H1-0: variants seen among roughly 807,000 people sequenced by gnomAD.
The protein encoded by H1-0 is H1.0 linker histone, also known as histone H1.0.
Under a neutral mutation model 8.8 loss-of-function variants are expected in H1-0, and 5 were observed. The ratio of observed to expected loss-of-function variants is 0.57; its 90% confidence interval spans 0.30 to 1.19. The LOEUF is 1.19. Ranked by LOEUF, H1-0 falls within the 50% of genes most tolerant of loss-of-function variation. H1-0 has a pLI of 0.08. For synonymous variants in H1-0, 143 were observed against 101.4 expected (o/e 1.41, Z -2.46); for missense variants, 231 against 242.0 (o/e 0.95, Z 0.30).
Position 37,806,086 on chromosome 22 carries a change from CCAAAG to C in H1-0, c.548_552del (p.Ala183ValfsTer49). 6.2e-7 allele frequency: 1 copy of C among 1,613,880 alleles called. No homozygotes were observed. The highest frequency in any genetic ancestry group is 8.5e-7 in the Non-Finnish European group (1 of 1,179,938). On this transcript the variant is annotated frameshift_variant, in exon 1 of 1. Transcript: ENST00000340857. LOFTEE classifies it high-confidence loss of function. ...CCCAAAAAGGCCAAACCAGTGAAAC[CCAAAG>C]CAAAGTCCAGTGCCAAGAGGGCCGG...
rs1920988301 is a variant in H1-0 at position 37,806,060 on chromosome 22, G to A, written c.516G>A (p.Lys172=). The part of the protein sequence containing the change: ...TVKAKPVKAS[K]PKKAKPVKPK... ...AAGCCAAGCCGGTCAAGGCATCCAA[G>A]CCCAAAAAGGCCAAACCAGTGAAAC... is the stretch of plus-strand genomic sequence containing the variant. Residue 172 remains lysine (K), a synonymous_variant, in exon 1 of 1, where the codon AAG becomes AAA. Transcript: ENST00000340857. The A allele has an allele frequency of 6.2e-7, 1 of 1,614,130 alleles. No individual in the cohort carries two copies. The highest frequency in any genetic ancestry group is 8.5e-7 in the Non-Finnish European group (1 of 1,180,024).
chr22:37,806,099 C>T lies in H1-0; in HGVS notation c.555C>T (p.Ser185=), dbSNP rs1920989268. 1 of 1,612,938 alleles carries T rather than the reference C, an allele frequency of 6.2e-7. No homozygotes were observed. Among genetic ancestry groups the T allele is most frequent in the Non-Finnish European group, 8.5e-7 (1 of 1,179,450 alleles). ...AACCAGTGAAACCCAAAGCAAAGTC[C>T]AGTGCCAAGAGGGCCGGCAAGAAGA... The part of the protein sequence containing the change: ...KAKPVKPKAK[S]SAKRAGKKK The change falls in exon 1 of 1, where the codon TCC becomes TCT. Residue 185 remains serine, a synonymous_variant. Transcript: ENST00000340857.
Position 37,806,344 on chromosome 22 carries a change from A to T in H1-0, c.*215A>T. 1.7e-6 allele frequency: 1 copy of T among 572,674 alleles called. No homozygotes were observed. Among genetic ancestry groups the T allele is most frequent in the Non-Finnish European group, 3.1e-6 (1 of 317,582 alleles). 35.5% of individuals were successfully genotyped at this position (572,674 alleles called of 1,614,324 possible). A position where few individuals can be genotyped will look rare whatever the true frequency, so the allele number is the denominator to read the frequency against. On this transcript the variant is annotated 3_prime_UTR_variant, in exon 1 of 1. Coordinates refer to ENST00000340857, the MANE Select transcript of H1-0 (RefSeq NM_005318.4). ...AGCAACAACCAATCTAATGATGAGA[A>T]TGTACTTATATTTTGTTTTGCTATT...
rs374249786 is a variant in H1-0 at position 37,805,533 on chromosome 22, A to C, written c.-12A>C. On this transcript the variant is annotated 5_prime_UTR_variant, in exon 1 of 1. Transcript: ENST00000340857. ...GGAAGGCGCCTTCAACAGCCGGACC[A>C]GACAGGCCACCATGACCGAGAATTC... The C allele has an allele frequency of 1.2e-5, 20 of 1,603,800 alleles. No homozygotes were observed. The highest frequency in any genetic ancestry group is 1.6e-5 in the Non-Finnish European group (19 of 1,173,712).
At position 37,806,335 on chromosome 22, in the gene H1-0, A is replaced by C; in HGVS notation, c.*206A>C. 6 of 582,836 alleles carry C rather than the reference A, an allele frequency of 1.0e-5. No homozygotes were observed. The highest frequency in any genetic ancestry group is 2.9e-5 in the East Asian group (1 of 33,946). 36.1% of individuals were successfully genotyped at this position (582,836 alleles called of 1,614,324 possible). ...TGCAAGGACAGCAACAACCAATCTA[A>C]TGATGAGAATGTACTTATATTTTGT... On this transcript the variant is annotated 3_prime_UTR_variant, in exon 1 of 1. Transcript: ENST00000340857.
rs559705827 is a variant in H1-0 at position 37,807,200 on chromosome 22, ATGTG to A, written c.*1077_*1080del. 1.3e-3 allele frequency: 209 copies of A among 167,168 alleles called. No individual in the cohort carries two copies. Among genetic ancestry groups the A allele is most frequent in the Non-Finnish European group, 2.2e-3 (150 of 68,126 alleles). The allele number at this position is 167,168 out of a possible 1,614,324, so 10.4% of individuals were successfully genotyped here. A position where few individuals can be genotyped will look rare whatever the true frequency, so the allele number is the denominator to read the frequency against. On this transcript the variant is annotated 3_prime_UTR_variant, in exon 1 of 1. Coordinates refer to ENST00000340857, the MANE Select transcript of H1-0 (RefSeq NM_005318.4). ...GTTTTACAGAGCTAGATCTGTGTGC[ATGTG>A]TGTGTTTGTGTATATATACATATCT...
At position 37,806,381 on chromosome 22, in the gene H1-0, G is replaced by A. The variant is rs1645766426; in HGVS notation, c.*252G>A. The A allele has an allele frequency of 2.2e-6, 1 of 459,826 alleles. No individual in the cohort carries two copies. The highest frequency in any genetic ancestry group is 3.9e-6 in the Non-Finnish European group (1 of 258,374). The allele number at this position is 459,826 out of a possible 1,614,324, so 28.5% of individuals were successfully genotyped here. The stretch of plus-strand genomic sequence containing the variant: ...TTTGTTTTGCTATTAACCTACTTAC[G>A]GGGTTAGGGATTTGCGGGGGGGGCT... On this transcript the variant is annotated 3_prime_UTR_variant, in exon 1 of 1. Coordinates refer to ENST00000340857, the MANE Select transcript of H1-0 (RefSeq NM_005318.4).
chr22:37,805,832 C>T lies in H1-0; in HGVS notation c.288C>T (p.Ala96=). 1 of 1,613,982 alleles carries T rather than the reference C, an allele frequency of 6.2e-7. No individual in the cohort carries two copies. The highest frequency in any genetic ancestry group is 8.5e-7 in the Non-Finnish European group (1 of 1,180,032). Residue 96 remains alanine (A), a synonymous_variant, in exon 1 of 1, where the codon GCC becomes GCT. Transcript: ENST00000340857. ...GGGCCTCGGGGTCCTTCCGGCTAGC[C>T]AAGAGCGACGAACCCAAGAAGTCAG... ...GVGASGSFRL[A]KSDEPKKSVA...
In H1-0 at chr22:37,806,210, C is replaced by T. The variant is rs1920992066; in HGVS notation, c.*81C>T. The T allele has an allele frequency of 4.7e-6, 5 of 1,054,780 alleles. No homozygotes were observed. The South Asian group carries it at 6.5e-5, about 14-fold the overall frequency. 65.3% of individuals were successfully genotyped at this position (1,054,780 alleles called of 1,614,324 possible). A position where few individuals can be genotyped will look rare whatever the true frequency, so the allele number is the denominator to read the frequency against. ...TTTTCTCCTTTTTTCTCTCTTGATGCTCACCACCACCTTTTGCCCCCTTCT... is the reference window on the plus strand; with the variant it reads ...TTTTCTCCTTTTTTCTCTCTTGATGTTCACCACCACCTTTTGCCCCCTTCT... On this transcript the variant is annotated 3_prime_UTR_variant, in exon 1 of 1. Transcript: ENST00000340857.
Position 37,805,484 on chromosome 22 carries a change from G to C in H1-0, c.-61G>C. On this transcript the variant is annotated 5_prime_UTR_variant, in exon 1 of 1. Coordinates refer to ENST00000340857, the MANE Select transcript of H1-0 (RefSeq NM_005318.4). ...CAGATCCCGAGGCAGGCTTTGCTCA[G>C]CCTCCGACGAGGGCTGGCCCTTTGG... 1 of 1,296,342 alleles carries C rather than the reference G, an allele frequency of 7.7e-7. No individual in the cohort carries two copies. Among genetic ancestry groups the C allele is most frequent in the Non-Finnish European group, 1.1e-6 (1 of 920,514 alleles). 80.3% of individuals were successfully genotyped at this position (1,296,342 alleles called of 1,614,324 possible).
Position 37,805,715 on chromosome 22 carries a change from C to A in H1-0, c.171C>A (p.His57Gln). 1 of 1,614,148 alleles carries A rather than the reference C, an allele frequency of 6.2e-7. No homozygotes were observed. Among genetic ancestry groups the A allele is most frequent in the Non-Finnish European group, 8.5e-7 (1 of 1,180,016 alleles). ...RQSIQKYIKS[H>Q]YKVGENADSQ... Reference sequence around the variant, plus strand: ...CCATTCAGAAGTATATCAAGAGCCACTACAAGGTGGGTGAGAACGCTGACT... The same window carrying A: ...CCATTCAGAAGTATATCAAGAGCCAATACAAGGTGGGTGAGAACGCTGACT... Residue 57 changes from histidine to glutamine, a missense_variant, in exon 1 of 1, where the codon CAC becomes CAA. Coordinates refer to ENST00000340857, the MANE Select transcript of H1-0 (RefSeq NM_005318.4).
rs1442583849 is a variant in H1-0 at position 37,806,804 on chromosome 22, C to G, written c.*675C>G. 1 of 167,044 alleles carries G rather than the reference C, an allele frequency of 6.0e-6. No individual in the cohort carries two copies. The highest frequency in any genetic ancestry group is 1.5e-5 in the Non-Finnish European group (1 of 68,176). 10.3% of individuals were successfully genotyped at this position (167,044 alleles called of 1,614,324 possible). The stretch of plus-strand genomic sequence containing the variant: ...CTGGATGGGAGAAGCCATAGTTTCT[C>G]CCAGTCAGCTAGGATGTAGCCATTG... On this transcript the variant is annotated 3_prime_UTR_variant, in exon 1 of 1. Coordinates refer to ENST00000340857, the MANE Select transcript of H1-0 (RefSeq NM_005318.4).
chr22:37,805,760 C>G lies in H1-0; in HGVS notation c.216C>G (p.Ile72Met). 6.2e-7 allele frequency: 1 copy of G among 1,614,024 alleles called. No homozygotes were observed. Among genetic ancestry groups the G allele is most frequent in the East Asian group, 2.2e-5 (1 of 44,890 alleles). The change falls in exon 1 of 1, where the codon ATC becomes ATG. Residue 72 changes from isoleucine to methionine, a missense_variant. Transcript: ENST00000340857. The stretch of plus-strand genomic sequence containing the variant: ...CTGACTCGCAGATCAAGTTGTCCAT[C>G]AAGCGCCTGGTCACCACCGGTGTCC... ...ENADSQIKLS[I>M]KRLVTTGVLK...
Position 37,805,569 on chromosome 22 carries a change from C to A in H1-0, c.25C>A (p.Pro9Thr). 4 of 1,612,862 alleles carry A rather than the reference C, an allele frequency of 2.5e-6. No homozygotes were observed. The highest frequency in any genetic ancestry group is 3.4e-6 in the Non-Finnish European group (4 of 1,179,200). Residue 9 changes from proline (P) to threonine (T), a missense_variant, in exon 1 of 1, where the codon CCT (proline) becomes ACT (threonine). By Grantham distance (38) the Pro-to-Thr change is conservative. Coordinates refer to ENST00000340857, the MANE Select transcript of H1-0 (RefSeq NM_005318.4). MTENSTSA[P>T]AAKPKRAKAS... ...CATGACCGAGAATTCCACGTCCGCC[C>A]CTGCGGCCAAGCCCAAGCGGGCCAA...
At position 37,806,199 on chromosome 22, in the gene H1-0, C is replaced by A; in HGVS notation, c.*70C>A. 8.2e-7 allele frequency: 1 copy of A among 1,215,322 alleles called. No homozygotes were observed. The highest frequency in any genetic ancestry group is 1.1e-6 in the Non-Finnish European group (1 of 870,878). 75.3% of individuals were successfully genotyped at this position (1,215,322 alleles called of 1,614,324 possible). On this transcript the variant is annotated 3_prime_UTR_variant, in exon 1 of 1. Transcript: ENST00000340857. ...TCTGTAAATAATTTTCTCCTTTTTTCTCTCTTGATGCTCACCACCACCTTT... is the reference window on the plus strand; with the variant it reads ...TCTGTAAATAATTTTCTCCTTTTTTATCTCTTGATGCTCACCACCACCTTT...
Position 37,805,538 on chromosome 22 carries a change from G to A in H1-0, c.-7G>A, listed in dbSNP as rs373751761. The A allele has an allele frequency of 2.7e-5, 44 of 1,607,500 alleles. No homozygotes were observed. In the Middle Eastern group the frequency reaches 5.0e-4, roughly 18 times the overall value. On this transcript the variant is annotated 5_prime_UTR_variant, in exon 1 of 1. Transcript: ENST00000340857. ...GCGCCTTCAACAGCCGGACCAGACA[G>A]GCCACCATGACCGAGAATTCCACGT...
Position 37,805,742 on chromosome 22 carries a change from G to A in H1-0, c.198G>A (p.Ser66=). Residue 66 remains serine, a synonymous_variant, in exon 1 of 1, where the codon TCG becomes TCA. Transcript: ENST00000340857. Reference sequence around the variant, plus strand: ...ACAAGGTGGGTGAGAACGCTGACTCGCAGATCAAGTTGTCCATCAAGCGCC... The same window carrying A: ...ACAAGGTGGGTGAGAACGCTGACTCACAGATCAAGTTGTCCATCAAGCGCC... The part of the protein sequence containing the change: ...SHYKVGENAD[S]QIKLSIKRLV... 6.2e-7 allele frequency: 1 copy of A among 1,614,098 alleles called. No homozygotes were observed. Among genetic ancestry groups the A allele is most frequent in the Non-Finnish European group, 8.5e-7 (1 of 1,180,004 alleles).
At position 37,805,990 on chromosome 22, in the gene H1-0, A is replaced by G; in HGVS notation, c.446A>G (p.Lys149Arg). The G allele has an allele frequency of 6.2e-7, 1 of 1,614,136 alleles. No individual in the cohort carries two copies. Among genetic ancestry groups the G allele is most frequent in the Non-Finnish European group, 8.5e-7 (1 of 1,180,020 alleles). ...ACCCCGGTCAAGAAGGCCAAGAAGA[A>G]GCTGGCTGCCACGCCCAAGAAAGCC... ...KATPVKKAKK[K>R]LAATPKKAKK... Residue 149 changes from lysine (K) to arginine (R), a missense_variant, in exon 1 of 1, where the codon AAG (lysine) becomes AGG (arginine). Physicochemically the swap from Lys to Arg is conservative, Grantham distance 26. Transcript: ENST00000340857.
At position 37,807,331 on chromosome 22, in the gene H1-0, T is replaced by TCCCCCCCCC. The variant is rs56665907; in HGVS notation, c.*1203_*1211dup. On this transcript the variant is annotated 3_prime_UTR_variant, in exon 1 of 1. Transcript: ENST00000340857. ...AATAGAAAAATCGCGCACTTGCGCG[T>TCCCCCCCCC]CCCCCCCCCACCCCCTTTTTTAAAC... The TCCCCCCCCC allele has an allele frequency of 1.3e-5, 2 of 151,428 alleles. No individual in the cohort carries two copies. The highest frequency in any genetic ancestry group is 2.1e-4 in the East Asian group (1 of 4,654). The allele number at this position is 151,428 out of a possible 1,614,324, so 9.4% of individuals were successfully genotyped here.
Sources: allele counts gnomAD v4.1 joint callset, GRCh38; gene constraint gnomAD v4.1.1; transcripts MANE v1.5; gene names NCBI Gene and HGNC (gene_info 2026-07-23, HGNC 2026-07-21).